The following OLFM3 variants were observed in gnomAD, a reference collection of about 807,000 sequenced individuals.
The protein encoded by OLFM3 is olfactomedin 3.
In OLFM3, 20 loss-of-function variants were observed where a neutral mutation model predicts 48.6. The observed-to-expected ratio is 0.41, with a 90% CI of 0.29 to 0.60. The LOEUF (loss-of-function observed/expected upper bound fraction) is 0.60, where lower values mean the gene tolerates loss of function less well. OLFM3 is among the 20% of genes least tolerant of loss of function. OLFM3 has a pLI of 0.28. For synonymous variants in OLFM3, 222 were observed against 198.1 expected (o/e 1.12, Z -1.01); for missense variants, 437 against 544.3 (o/e 0.80, Z 1.96).
At chr1:101,973,204 T>C (rs1660858563) in intron 1 of OLFM3, among the ~76,000 whole-genome samples, 1 of 152,082 alleles carries the variant, frequency 6.6e-6, no homozygotes, top group Non-Finnish European at 1.5e-5. Flanking sequence ...AGTGGAGAAA[T>C]AGGAAACCCA....
intron 1 of OLFM3, among the ~76,000 whole-genome samples, chr1:101,971,790 A>G (rs1407536524): frequency 6.6e-6 from 1 of 152,120 alleles, no homozygotes; most frequent in Non-Finnish European, 1.5e-5. Context: ...TCACGTTGTT[A>G]GGAGTATGGG....
In OLFM3 at chr1:101,970,924, C is replaced by T. The variant is rs116674329; in HGVS notation, c.69+25824G>A. On this transcript the variant is annotated intron_variant, in intron 1 of 5. Coordinates refer to ENST00000370103, the MANE Select transcript of OLFM3 (RefSeq NM_058170.4). ...AAAAATCATGTTTTGAATGTTAAAGCACCTTACTGCTGTGTATAAAATGCA... is the reference window on the plus strand; with the variant it reads ...AAAAATCATGTTTTGAATGTTAAAGTACCTTACTGCTGTGTATAAAATGCA... Among the ~76,000 whole-genome samples the T allele has an allele frequency of 7.6e-3, 1,131 of 149,278 alleles. 19 individuals are homozygous for T. Among genetic ancestry groups the T allele is most frequent in the African/African-American group, 0.027 (1,098 of 41,224 alleles).
intron 1 of OLFM3, among the ~76,000 whole-genome samples, chr1:101,919,228 C>G (rs1247785953): frequency 6.6e-6 from 1 of 152,150 alleles, no homozygotes; most frequent in African/African-American, 2.4e-5. Flanking sequence ...TCTTTAAATA[C>G]TTTATAAAAT....
At chr1:101,898,197 A>G (rs1324779996) in intron 1 of OLFM3, among the ~76,000 whole-genome samples, 2 of 151,980 alleles carry the variant, frequency 1.3e-5, no homozygotes, top group Non-Finnish European at 2.9e-5. Context: ...AGTTTAAAAA[A>G]CTGATTATTT....
chr1:101,995,374 A>G (rs915830474), intron 1 of OLFM3, among the ~76,000 whole-genome samples: 1 of 152,112 alleles, frequency 6.6e-6, no homozygotes, highest in Non-Finnish European at 1.5e-5. Context: ...AACAAAATCA[A>G]CACTTTTTCC....
chr1:101,863,414 T>C (rs1656732017), intron 1 of OLFM3, among the ~76,000 whole-genome samples: 1 of 152,228 alleles, frequency 6.6e-6, no homozygotes, highest in Non-Finnish European at 1.5e-5. Flanking sequence ...CCTTCAAATA[T>C]CAAGCTACTT....
intron 1 of OLFM3, among the ~76,000 whole-genome samples, chr1:101,989,614 C>A (rs771287925): frequency 5.3e-5 from 8 of 151,828 alleles, no homozygotes; most frequent in Non-Finnish European, 7.4e-5. Context: ...ATATTATTTG[C>A]ATGTTGAGTA....
chr1:101,862,650 T>C (rs1371905016), intron 1 of OLFM3, among the ~76,000 whole-genome samples: 2 of 152,218 alleles, frequency 1.3e-5, no homozygotes, highest in African/African-American at 4.8e-5. Context: ...AATCACCTGT[T>C]GCCTTTGATA....
intron 1 of OLFM3, among the ~76,000 whole-genome samples, chr1:101,954,870 A>G (rs1254785529): frequency 6.6e-6 from 1 of 152,022 alleles, no homozygotes; most frequent in Non-Finnish European, 1.5e-5. Context: ...TGTTGTTCCT[A>G]TGAGAATTGT....
intron 1 of OLFM3, among the ~76,000 whole-genome samples, chr1:101,951,028 C>G (rs1346618414): frequency 6.6e-6 from 1 of 152,178 alleles, no homozygotes; most frequent in Middle Eastern, 3.2e-3. Context: ...TTAAATGGCA[C>G]TATATGCTAT....
At chr1:101,939,419 A>G (rs1659721615) in intron 1 of OLFM3, among the ~76,000 whole-genome samples, 1 of 152,132 alleles carries the variant, frequency 6.6e-6, no homozygotes, top group Non-Finnish European at 1.5e-5. Context: ...TGTTGAGCCC[A>G]CAGAGATGAA....
chr1:101,882,596 C>A (rs1181693172), intron 1 of OLFM3: 1 of 151,768 alleles, frequency 6.6e-6, no homozygotes, highest in African/African-American at 2.4e-5. Flanking sequence ...ACCGGGACAA[C>A]ACTGATGTAA....
intron 1 of OLFM3, among the ~76,000 whole-genome samples, chr1:101,942,621 G>A (rs1284057641): frequency 6.6e-6 from 1 of 152,120 alleles, no homozygotes; most frequent in African/African-American, 2.4e-5. Context: ...ACCTGCTAAG[G>A]TTTTTTCAAT....
intron 4 of OLFM3, among the ~76,000 whole-genome samples, chr1:101,819,779 G>T (rs1003388030): frequency 6.6e-6 from 1 of 152,036 alleles, no homozygotes; most frequent in Non-Finnish European, 1.5e-5. Flanking sequence ...TTTGAACTCA[G>T]AAGGACTTCC....
intron 1 of OLFM3, among the ~76,000 whole-genome samples, chr1:101,922,589 C>T (rs1215088939): frequency 2.0e-5 from 3 of 152,138 alleles, no homozygotes; most frequent in South Asian, 4.1e-4. Context: ...TTCATCCTTC[C>T]TATGGATTAA....
intron 4 of OLFM3, among the ~76,000 whole-genome samples, chr1:101,806,860 A>C (rs1219736775): frequency 6.6e-6 from 1 of 151,790 alleles, no homozygotes; most frequent in Non-Finnish European, 1.5e-5. Flanking sequence ...GAAGAGATGT[A>C]ATACGTGACA....
chr1:101,895,325 G>C (rs115539676), intron 1 of OLFM3, among the ~76,000 whole-genome samples: 2 of 151,540 alleles, frequency 1.3e-5, no homozygotes, highest in Non-Finnish European at 2.9e-5. Flanking sequence ...TAAGTTATGC[G>C]TATCAGCACA....
intron 1 of OLFM3, chr1:101,846,792 C>A: frequency 7.5e-7 from 1 of 1,338,698 alleles, no homozygotes; most frequent in Non-Finnish European, 1.1e-6. Context: ...CAAAACAAAG[C>A]CCACTAAATG....
At chr1:101,990,122 T>A (rs1215616225) in intron 1 of OLFM3, among the ~76,000 whole-genome samples, 1 of 152,236 alleles carries the variant, frequency 6.6e-6, no homozygotes, top group Non-Finnish European at 1.5e-5. Flanking sequence ...TTTGATATTA[T>A]GAAGCCACTC....
Sources: gnomAD v4.1 joint callset for allele counts (sites outside exome capture counted in the v4.1 genomes callset) on GRCh38, gnomAD v4.1.1 for gene constraint, MANE v1.5 for transcripts, NCBI Gene and HGNC (gene_info 2026-07-23, HGNC 2026-07-21) for gene names.